Variants in SCRG1 observed in about 807,000 individuals in gnomAD.
SCRG1 encodes scrapie-responsive protein 1.
In SCRG1, 3 loss-of-function variants were observed where a neutral mutation model predicts 7.7. That is an observed-to-expected ratio of 0.39 (90% CI 0.18 to 1.01). SCRG1 has a LOEUF of 1.01. Ranked by LOEUF, SCRG1 falls within the 50% of genes least tolerant of loss-of-function variation. The pLI, the probability that SCRG1 is intolerant of heterozygous loss-of-function variation, is 0.36. For missense variants in SCRG1, 110 were observed against 117.2 expected (o/e 0.94, Z 0.28); for synonymous variants, 46 against 41.2 (o/e 1.12, Z -0.44).
chr4:173,471,658 G>A, the SCRG1 span, among the ~76,000 whole-genome samples: 1 of 152,176 alleles, frequency 6.6e-6, no homozygotes, highest in African/African-American at 2.4e-5. Flanking sequence ...CACTCTGGTA[G>A]CCTATGTGCA....
chr4:173,464,660 G>C, the SCRG1 span, among the ~76,000 whole-genome samples: 1 of 152,284 alleles, frequency 6.6e-6, no homozygotes, highest in East Asian at 1.9e-4. Context: ...AAGTGGCACA[G>C]CTGCTGTGAA....
At chr4:173,510,308 CTTTTG>C in the SCRG1 span, among the ~76,000 whole-genome samples, 5 of 152,072 alleles carry the variant, frequency 3.3e-5, no homozygotes, top group South Asian at 2.1e-4. This position sits in a 1 kb window ranked among gnomAD's most constrained non-coding sequence, Gnocchi z 5.7. Flanking sequence ...CTAATTTTAA[CTTTTG>C]TTCTGTTCTG....
chr4:173,391,450 A>T (rs751167825), intron 1 of SCRG1, 22 bp from the exon 2 acceptor site: 1 of 1,610,736 alleles, frequency 6.2e-7, no homozygotes, highest in East Asian at 2.2e-5. Flanking sequence ...GAAAGACCAA[A>T]ATGTGTCAAT....
the SCRG1 span, among the ~76,000 whole-genome samples, chr4:173,459,588 G>A: frequency 2.0e-4 from 30 of 152,066 alleles, no homozygotes; most frequent in Non-Finnish European, 3.8e-4. Context: ...CAACATATCC[G>A]AATTTATGAG....
At chr4:173,419,867 A>G in the SCRG1 span, 1 of 1,128,334 alleles carries the variant, frequency 8.9e-7, no homozygotes, top group Non-Finnish European at 1.3e-6. Context: ...GGCCAGCAGC[A>G]GGCCAGTACA....
the SCRG1 span, among the ~76,000 whole-genome samples, chr4:173,505,960 G>A: frequency 6.6e-6 from 1 of 152,188 alleles, no homozygotes; most frequent in African/African-American, 2.4e-5. This position sits in a 1 kb window ranked among gnomAD's most constrained non-coding sequence, Gnocchi z 4.4. Flanking sequence ...GCACTTGGAA[G>A]TTAGGAACCA....
At chr4:173,481,206 C>A in the SCRG1 span, among the ~76,000 whole-genome samples, 1 of 152,212 alleles carries the variant, frequency 6.6e-6, no homozygotes, top group African/African-American at 2.4e-5. Flanking sequence ...TTATGAGATA[C>A]AAACAAAAAT....
chr4:173,420,705 G>GAA, the SCRG1 span, among the ~76,000 whole-genome samples: 6 of 134,382 alleles, frequency 4.5e-5, no homozygotes, highest in African/African-American at 1.1e-4. Flanking sequence ...GAGCCAAGCT[G>GAA]AAAAAAAAAA....
chr4:173,488,123 AAATAAATAAATTT>A, the SCRG1 span, among the ~76,000 whole-genome samples: 1 of 151,246 alleles, frequency 6.6e-6, no homozygotes, highest in Non-Finnish European at 1.5e-5. Context: ...ATAAATAAAT[AAATAAATAAATTT>A]AAAAAATGGT....
the SCRG1 span, among the ~76,000 whole-genome samples, chr4:173,436,220 C>T: frequency 6.6e-6 from 1 of 152,194 alleles, no homozygotes; most frequent in South Asian, 2.1e-4. Flanking sequence ...ATCCACCAGG[C>T]GTGTGGCTTT....
chr4:173,430,830 A>G, the SCRG1 span, among the ~76,000 whole-genome samples: 6,920 of 112,990 alleles, frequency 0.061, 147 homozygotes, highest in Admixed American at 0.13. Flanking sequence ...AAAAAAAAAA[A>G]AGAGAGAGAG....
At chr4:173,518,953 G>A in the SCRG1 span, among the ~76,000 whole-genome samples, 2 of 144,758 alleles carry the variant, frequency 1.4e-5, no homozygotes, top group South Asian at 4.7e-4. Flanking sequence ...TTGCCCCCAC[G>A]TCCTGTCCGC....
At chr4:173,440,558 G>A in the SCRG1 span, among the ~76,000 whole-genome samples, 1 of 152,186 alleles carries the variant, frequency 6.6e-6, no homozygotes. Context: ...CATAATCTGG[G>A]AACGGAGACA....
chr4:173,517,419 A>G, the SCRG1 span, among the ~76,000 whole-genome samples: 5 of 151,820 alleles, frequency 3.3e-5, no homozygotes, highest in Non-Finnish European at 5.9e-5. Context: ...TTGCCTTTAT[A>G]TAAGGAGTTT....
the SCRG1 span, among the ~76,000 whole-genome samples, chr4:173,516,076 AAG>A: frequency 9.5e-3 from 1,441 of 152,222 alleles, 25 homozygotes; most frequent in African/African-American, 0.033. Flanking sequence ...TGTTCCATGC[AAG>A]AGAGGACTTT....
chr4:173,411,097 C>T (rs137864634), upstream of SCRG1, among the ~76,000 whole-genome samples: 70 of 152,302 alleles, frequency 4.6e-4, 1 homozygote, highest in African/African-American at 1.7e-3. Context: ...GAATAATGCC[C>T]ACCACCTGCA....
chr4:173,489,144 C>T, the SCRG1 span, among the ~76,000 whole-genome samples: 1 of 152,146 alleles, frequency 6.6e-6, no homozygotes, highest in Non-Finnish European at 1.5e-5. Context: ...TGCTTTTGTT[C>T]TGTTTCAGGG....
At chr4:173,409,552 G>A (rs1036966898), upstream of SCRG1, among the ~76,000 whole-genome samples, 3 of 150,632 alleles carry the variant, frequency 2.0e-5, no homozygotes, top group Non-Finnish European at 4.4e-5. Flanking sequence ...ACTAAGATAT[G>A]AATTCCCTGG....
the SCRG1 span, among the ~76,000 whole-genome samples, chr4:173,511,666 C>G: frequency 6.6e-6 from 1 of 152,100 alleles, no homozygotes; most frequent in Non-Finnish European, 1.5e-5. The surrounding 1 kb of genome is among the most constrained non-coding windows in gnomAD (Gnocchi z 5.2). Flanking sequence ...GAGGTTAAAG[C>G]AGATGAACCC....
Sources: gnomAD v4.1 joint callset for allele counts (sites outside exome capture counted in the v4.1 genomes callset) on GRCh38, gnomAD v4.1.1 for gene constraint, Gnocchi (gnomAD v3.1) non-coding constraint, MANE v1.5 for transcripts, NCBI Gene and HGNC (gene_info 2026-07-23, HGNC 2026-07-21) for gene names.